Variants in HYDIN observed in about 807,000 individuals in gnomAD.
HYDIN encodes the protein axonemal central pair apparatus protein HYDIN.
HYDIN carries 132 observed loss-of-function variants against 403.9 expected under a neutral mutation model. That is an observed-to-expected ratio of 0.33 (90% CI 0.28 to 0.38). The LOEUF (loss-of-function observed/expected upper bound fraction) is 0.38. HYDIN is among the 10% of genes least tolerant of loss of function. The pLI is 1.00. For synonymous variants in HYDIN, 1,202 were observed against 1,891.7 expected (o/e 0.64, Z 9.46); for missense variants, 2,827 against 5,009.5 (o/e 0.56, Z 13.15).
intron 45 of HYDIN, 56 bp from the exon 46 acceptor site, chr16:70,921,273 T>C (rs974631179): frequency 2.2e-5 from 33 of 1,526,502 alleles, no homozygotes; most frequent in Middle Eastern, 1.8e-4. Context: ...GGGTAGTAAA[T>C]TGCATAAGGA....
intron 67 of HYDIN, among the ~76,000 whole-genome samples, chr16:70,863,668 G>C (rs905933045): frequency 1.3e-5 from 2 of 152,094 alleles, no homozygotes; most frequent in Non-Finnish European, 2.9e-5. Flanking sequence ...TTGAGGCCAA[G>C]AATTTGAGAC....
chr16:70,863,921 T>C (rs1195117237), intron 67 of HYDIN, among the ~76,000 whole-genome samples: 1 of 151,916 alleles, frequency 6.6e-6, no homozygotes, highest in African/African-American at 2.4e-5. Context: ...TCAGAAGCCA[T>C]TTGACCCCTG....
At chr16:70,818,868 G>A (rs1050279800) in intron 83 of HYDIN, among the ~76,000 whole-genome samples, 1 of 152,068 alleles carries the variant, frequency 6.6e-6, no homozygotes, top group Non-Finnish European at 1.5e-5. Flanking sequence ...ACAGCTGGCC[G>A]GCTCTGGAAA....
chr16:71,026,980 T>C (rs2080727822), intron 20 of HYDIN: 1 of 229,570 alleles, frequency 4.4e-6, no homozygotes, highest in South Asian at 1.6e-4. Flanking sequence ...AAGCCTTTCC[T>C]TTAGGTTTTT....
chr16:70,837,661 C>A, intron 77 of HYDIN, 29 bp downstream of exon 77: 1 of 1,610,840 alleles, frequency 6.2e-7, no homozygotes. Flanking sequence ...GAGGGTGCCA[C>A]GCCTGAAGGC....
intron 17 of HYDIN, among the ~76,000 whole-genome samples, chr16:71,061,890 G>C (rs2082097586): frequency 6.7e-6 from 1 of 149,760 alleles, no homozygotes; most frequent in South Asian, 2.1e-4. Context: ...GTGTGTGTGT[G>C]TGTGTCAGAG....
intron 6 of HYDIN, among the ~76,000 whole-genome samples, chr16:71,162,135 A>T (rs1597915678): frequency 6.7e-6 from 1 of 150,272 alleles, no homozygotes; most frequent in Admixed American, 6.7e-5. Flanking sequence ...AAAGTAAGAT[A>T]ATAAATTTGT....
chr16:71,078,530 G>A (rs2060970416), intron 13 of HYDIN, among the ~76,000 whole-genome samples: 1 of 152,096 alleles, frequency 6.6e-6, no homozygotes. Flanking sequence ...TTAGAGACAG[G>A]GTCTTGCTCT....
chr16:71,190,347 A>T (rs80097172), intron 1 of HYDIN, among the ~76,000 whole-genome samples: 5 of 17,226 alleles, frequency 2.9e-4, no homozygotes, highest in Admixed American at 7.8e-4. Context: ...ATTTGAGCAT[A>T]AAAAAAAAAA....
intron 85 of HYDIN, 86 bp from the exon 86 acceptor site, chr16:70,808,148 T>C: frequency 6.9e-7 from 1 of 1,451,674 alleles, no homozygotes; most frequent in Non-Finnish European, 9.3e-7. Context: ...CCTCCACTCC[T>C]GGACATCAAG....
At chr16:71,105,046 A>T (rs1159043998) in intron 10 of HYDIN, among the ~76,000 whole-genome samples, 1 of 147,490 alleles carries the variant, frequency 6.8e-6, no homozygotes, top group East Asian at 2.0e-4. Flanking sequence ...GCATTCTTAA[A>T]ATCTTTGAAG....
intron 6 of HYDIN, among the ~76,000 whole-genome samples, chr16:71,157,167 G>C (rs1218396458): frequency 1.3e-5 from 2 of 151,660 alleles, no homozygotes; most frequent in East Asian, 3.9e-4. Flanking sequence ...ATTCGAATAA[G>C]GGTAACAGAC....
rs1304791590 is a variant in HYDIN, at chr16:70,856,828, C to T, written c.12295+877G>A. Among the ~76,000 whole-genome samples, 11 of 152,160 alleles carry T rather than the reference C, an allele frequency of 7.2e-5. No homozygotes were observed. The East Asian group carries it at 2.1e-3, about 29-fold the overall frequency. ...CACATCCAGCAGTTAACACTGCTTTCCTTTGGAGTGGAAAGAGAAAGATGA... is the reference window on the plus strand; with the variant it reads ...CACATCCAGCAGTTAACACTGCTTTTCTTTGGAGTGGAAAGAGAAAGATGA... On this transcript the variant is annotated intron_variant, in intron 72 of 85. Coordinates refer to ENST00000393567, the MANE Select transcript of HYDIN (RefSeq NM_001270974.2).
At chr16:70,915,327 G>C (rs947648306) in intron 47 of HYDIN, among the ~76,000 whole-genome samples, 1 of 152,238 alleles carries the variant, frequency 6.6e-6, no homozygotes, top group South Asian at 2.1e-4. Flanking sequence ...TGTCCCACAG[G>C]GTGTTCCCTT....
chr16:71,061,767 ATACAGATGTGCTGGCTCCCG>A (rs1304459342), intron 17 of HYDIN, among the ~76,000 whole-genome samples: 6 of 151,774 alleles, frequency 4.0e-5, no homozygotes, highest in Admixed American at 2.6e-4. Context: ...CTTATTAAAA[ATACAGATGTGCTGGCTCCCG>A]TACAGATGTG....
At chr16:70,882,250 G>A (rs2040853840) in intron 60 of HYDIN, among the ~76,000 whole-genome samples, 1 of 151,956 alleles carries the variant, frequency 6.6e-6, no homozygotes, top group African/African-American at 2.4e-5. Context: ...TGTCACATGG[G>A]AAGGGCTAAA....
At chr16:71,097,625 C>A (rs1026602426) in intron 10 of HYDIN, among the ~76,000 whole-genome samples, 7 of 144,332 alleles carry the variant, frequency 4.8e-5, no homozygotes, top group Admixed American at 1.4e-4. Context: ...GCTAATTCCA[C>A]ACAAACATCT....
chr16:71,165,915 C>T (rs919652017), intron 5 of HYDIN, among the ~76,000 whole-genome samples: 7 of 146,146 alleles, frequency 4.8e-5, no homozygotes, highest in East Asian at 2.0e-4. Flanking sequence ...CAGGTTGTGG[C>T]GGCCAGATCC....
chr16:70,833,134 T>C (rs2037132328), intron 79 of HYDIN, 67 bp from the exon 80 acceptor site: 5 of 1,421,492 alleles, frequency 3.5e-6, no homozygotes, highest in East Asian at 5.0e-5. Context: ...TCAATGCTAC[T>C]GAGAACAAGA....
Sources: gnomAD v4.1 joint callset for allele counts (sites outside exome capture counted in the v4.1 genomes callset) on GRCh38, gnomAD v4.1.1 for gene constraint, MANE v1.5 for transcripts, NCBI Gene and HGNC (gene_info 2026-07-23, HGNC 2026-07-21) for gene names.